Variants in TBL1XR1 observed in about 807,000 individuals in gnomAD.
TBL1XR1 encodes F-box-like/WD repeat-containing protein TBL1XR1.
In TBL1XR1, 5 loss-of-function variants were observed where a neutral mutation model predicts 66.9. That is an observed-to-expected ratio of 0.07 (90% CI 0.04 to 0.16). TBL1XR1 has a LOEUF of 0.16. TBL1XR1 is among the 10% of genes least tolerant of loss of function. TBL1XR1 has a pLI of 1.00. For synonymous variants in TBL1XR1, 210 were observed against 206.0 expected (o/e 1.02, Z -0.17); for missense variants, 238 against 623.2 (o/e 0.38, Z 6.58).
chr3:177,106,916 T>TAA (rs34914113), intron 1 of TBL1XR1, among the ~76,000 whole-genome samples: 85 of 149,600 alleles, frequency 5.7e-4, no homozygotes, highest in East Asian at 3.1e-3. Context: ...GCATTACTAC[T>TAA]AAAAAAAAAA....
chr3:177,162,329 T>C (rs537288482), intron 1 of TBL1XR1, among the ~76,000 whole-genome samples: 4 of 152,188 alleles, frequency 2.6e-5, no homozygotes, highest in African/African-American at 7.2e-5. Context: ...GTGGTTACCT[T>C]TGGTGGGCAA....
intron 1 of TBL1XR1, among the ~76,000 whole-genome samples, chr3:177,153,659 G>C (rs551174036): frequency 8.0e-4 from 121 of 152,178 alleles, no homozygotes; most frequent in African/African-American, 2.8e-3. Flanking sequence ...AGGCCGGGGC[G>C]GGTGAATCAC....
At position 177,130,159 on chromosome 3, in the gene TBL1XR1, G is replaced by GA. The variant is rs1491320749; in HGVS notation, c.-121-31619dup. Among the ~76,000 whole-genome samples the GA allele has an allele frequency of 5.1e-4, 71 of 138,344 alleles. 1 individual carries two copies. Among genetic ancestry groups the GA allele is most frequent in the Non-Finnish European group, 4.6e-5 (3 of 64,676 alleles). 90.8% of individuals were successfully genotyped at this position (138,344 alleles called of 152,430 possible). ...GACTCCATCTCAAAAAAAAAAAAAA[G>GA]AAAGAAAGAAAAAGAATAAATAAAT... is the stretch of plus-strand genomic sequence containing the variant. On this transcript the variant is annotated intron_variant, in intron 1 of 15. Transcript: ENST00000457928.
At chr3:177,198,759 G>A (rs1654833909), upstream of TBL1XR1, among the ~76,000 whole-genome samples, 2 of 152,150 alleles carry the variant, frequency 1.3e-5, no homozygotes, top group South Asian at 4.1e-4. Context: ...TCTTAAAGGT[G>A]AAGGGTTCTG....
chr3:177,068,546 C>T (rs1399835324), intron 2 of TBL1XR1, among the ~76,000 whole-genome samples: 1 of 152,182 alleles, frequency 6.6e-6, no homozygotes, highest in Non-Finnish European at 1.5e-5. Context: ...CCAGCTACGA[C>T]TATTCAGTGA....
At chr3:177,159,980 TTAATA>T (rs1472409575) in intron 1 of TBL1XR1, among the ~76,000 whole-genome samples, 2 of 152,180 alleles carry the variant, frequency 1.3e-5, no homozygotes, top group African/African-American at 4.8e-5. Context: ...TTAATTTAAC[TTAATA>T]TAAAGTAGTG....
At chr3:177,067,814 A>AT (rs954597476) in intron 2 of TBL1XR1, among the ~76,000 whole-genome samples, 1 of 152,184 alleles carries the variant, frequency 6.6e-6, no homozygotes, top group African/African-American at 2.4e-5. Context: ...AGTGGACTTA[A>AT]TAAGGCTTTG....
chr3:177,039,767 C>G (rs548869876), intron 10 of TBL1XR1, among the ~76,000 whole-genome samples: 1 of 152,118 alleles, frequency 6.6e-6, no homozygotes, highest in African/African-American at 2.4e-5. Flanking sequence ...TTTTATAGTG[C>G]AATGGGGGAG....
chr3:177,022,004 CTCT>C lies in TBL1XR1; in HGVS notation c.*3491_*3493del, dbSNP rs1207377136. On this transcript the variant is annotated 3_prime_UTR_variant, in exon 16 of 16. Coordinates refer to ENST00000457928, the MANE Select transcript of TBL1XR1 (RefSeq NM_024665.7). Reference sequence around the variant, plus strand: ...CTTTAAATAGCAAAAATGCACAGTCCTCTTTAGGCCTCTACTCAATAATAGTTT... The same window carrying C: ...CTTTAAATAGCAAAAATGCACAGTCCTTAGGCCTCTACTCAATAATAGTTT... 6.6e-6 allele frequency: 1 copy of C among 152,446 alleles called. No homozygotes were observed. Among genetic ancestry groups the C allele is most frequent in the Non-Finnish European group, 1.5e-5 (1 of 67,980 alleles). The allele number at this position is 152,446 out of a possible 1,614,324, so 9.4% of individuals were successfully genotyped here.
intron 1 of TBL1XR1, among the ~76,000 whole-genome samples, chr3:177,100,707 G>A (rs1724092696): frequency 6.6e-6 from 1 of 152,190 alleles, no homozygotes; most frequent in South Asian, 2.1e-4. Context: ...TTACAGGGGT[G>A]AGCCACTGTG....
chr3:177,122,787 T>C (rs1179339469), intron 1 of TBL1XR1, among the ~76,000 whole-genome samples: 2 of 152,122 alleles, frequency 1.3e-5, no homozygotes, highest in East Asian at 3.8e-4. Context: ...GATTAAATAT[T>C]AGTCGTTTCA....
chr3:177,084,202 G>A (rs755075974), intron 2 of TBL1XR1, among the ~76,000 whole-genome samples: 54 of 151,984 alleles, frequency 3.6e-4, no homozygotes, highest in African/African-American at 1.1e-3. Context: ...CCTGAGTAAC[G>A]TAAATCCCTA....
At chr3:177,063,169 C>T (rs1369068302) in intron 3 of TBL1XR1, among the ~76,000 whole-genome samples, 4 of 152,070 alleles carry the variant, frequency 2.6e-5, no homozygotes, top group East Asian at 1.9e-4. Flanking sequence ...TTAATCTACT[C>T]GTTCAGAAAT....
chr3:177,140,749 G>T (rs969797554), intron 1 of TBL1XR1, among the ~76,000 whole-genome samples: 1 of 152,098 alleles, frequency 6.6e-6, no homozygotes, highest in Non-Finnish European at 1.5e-5. Flanking sequence ...ATAAATATAA[G>T]TAAATAATAG....
At chr3:177,037,296 AACATATG>A (rs1407778568) in intron 12 of TBL1XR1, 1 of 152,254 alleles carries the variant, frequency 6.6e-6, no homozygotes, top group Non-Finnish European at 1.5e-5. Flanking sequence ...TAATTGCCTC[AACATATG>A]ACTTTCTAAT....
At chr3:177,134,763 T>C (rs542969389) in intron 1 of TBL1XR1, among the ~76,000 whole-genome samples, 1 of 152,274 alleles carries the variant, frequency 6.6e-6, no homozygotes, top group South Asian at 2.1e-4. Flanking sequence ...AACATCCACC[T>C]CACCCTGTAT....
chr3:177,142,813 G>C (rs1201183660), intron 1 of TBL1XR1, among the ~76,000 whole-genome samples: 1 of 152,030 alleles, frequency 6.6e-6, no homozygotes, highest in Admixed American at 6.6e-5. Context: ...TTGCCTGCTT[G>C]CACCAAAATT....
chr3:177,054,954 G>A (rs544184395), intron 3 of TBL1XR1, among the ~76,000 whole-genome samples: 1 of 152,158 alleles, frequency 6.6e-6, no homozygotes, highest in Admixed American at 6.5e-5. Context: ...TAAACCAAGG[G>A]TGGTTATTTT....
intron 1 of TBL1XR1, among the ~76,000 whole-genome samples, chr3:177,164,555 G>A (rs1395986377): frequency 6.6e-6 from 1 of 151,944 alleles, no homozygotes; most frequent in Non-Finnish European, 1.5e-5. Context: ...TCCCCATCTT[G>A]GCCACGCTGG....
Sources: allele counts gnomAD v4.1 joint callset (sites outside exome capture counted in the v4.1 genomes callset), GRCh38; gene constraint gnomAD v4.1.1; transcripts MANE v1.5; gene names NCBI Gene and HGNC (gene_info 2026-07-23, HGNC 2026-07-21).